EXT1: variants seen among roughly 807,000 people sequenced by gnomAD.
EXT1 encodes the protein exostosin-1.
In EXT1, 20 loss-of-function variants were observed where a neutral mutation model predicts 82.5. The ratio of observed to expected loss-of-function variants is 0.24; its 90% CI spans 0.17 to 0.35. The LOEUF (loss-of-function observed/expected upper bound fraction) is 0.35. Ranked by LOEUF, EXT1 falls within the 10% of genes least tolerant of loss-of-function variation. The pLI, the probability that EXT1 is intolerant of heterozygous loss-of-function variation, is 1.00. For missense variants in EXT1, 757 were observed against 936.5 expected (o/e 0.81, Z 2.50); for synonymous variants, 348 against 350.8 (o/e 0.99, Z 0.09).
At chr8:118,010,277 C>T (rs545909894) in intron 1 of EXT1, among the ~76,000 whole-genome samples, 3 of 147,110 alleles carry the variant, frequency 2.0e-5, no homozygotes, top group East Asian at 4.0e-4. Flanking sequence ...GAGGCTGAGG[C>T]AGGAGAATGG....
intron 1 of EXT1, among the ~76,000 whole-genome samples, chr8:117,852,354 G>A (rs947290111): frequency 7.9e-5 from 12 of 152,204 alleles, no homozygotes; most frequent in African/African-American, 2.9e-4. Context: ...AGATGTGCCT[G>A]ACATGGGGAG....
intron 1 of EXT1, among the ~76,000 whole-genome samples, chr8:118,054,360 T>C (rs1227924766): frequency 1.3e-5 from 2 of 152,158 alleles, no homozygotes; most frequent in Non-Finnish European, 2.9e-5. Flanking sequence ...AGTCAAACCA[T>C]TCCACTTCAT....
rs535607475 is a variant in EXT1 at position 118,057,398 on chromosome 8, G to A, written c.962+52687C>T. Reference sequence around the variant, plus strand: ...CTACTAAAAATACAAAAAATTAGCCGGGTGTGATGGCTGATGCCATAATCC... The same window carrying A: ...CTACTAAAAATACAAAAAATTAGCCAGGTGTGATGGCTGATGCCATAATCC... On this transcript the variant is annotated intron_variant, in intron 1 of 10. Coordinates refer to ENST00000378204, the MANE Select transcript of EXT1 (RefSeq NM_000127.3). Among the ~76,000 whole-genome samples the A allele has an allele frequency of 4.2e-4, 64 of 151,976 alleles. 1 individual carries two copies. Among genetic ancestry groups the A allele is most frequent in the Non-Finnish European group, 6.3e-4 (43 of 67,952 alleles).
At chr8:117,866,147 C>T (rs1169708868) in intron 1 of EXT1, among the ~76,000 whole-genome samples, 4 of 152,154 alleles carry the variant, frequency 2.6e-5, no homozygotes, top group African/African-American at 9.7e-5. Flanking sequence ...ATCGCTTGAA[C>T]CCGGGAGGCA....
intron 8 of EXT1, among the ~76,000 whole-genome samples, chr8:117,810,856 TAGAG>T (rs754982851): frequency 3.9e-5 from 6 of 152,160 alleles, no homozygotes; most frequent in Non-Finnish European, 8.8e-5. Context: ...CGAGGCAGGA[TAGAG>T]AGAGAGGTCA....
At chr8:117,830,635 C>A (rs1299833713) in intron 3 of EXT1, among the ~76,000 whole-genome samples, 4 of 152,204 alleles carry the variant, frequency 2.6e-5, no homozygotes, top group Non-Finnish European at 5.9e-5. Context: ...TCTATAGTCA[C>A]AATTGCTGTT....
At chr8:118,094,164 C>T (rs144000281) in intron 1 of EXT1, among the ~76,000 whole-genome samples, 25 of 152,340 alleles carry the variant, frequency 1.6e-4, no homozygotes, top group Non-Finnish European at 2.9e-4. Flanking sequence ...AACAAGACCT[C>T]TGTGACTGCT....
chr8:118,082,649 T>C (rs921614292), intron 1 of EXT1, among the ~76,000 whole-genome samples: 1 of 152,122 alleles, frequency 6.6e-6, no homozygotes, highest in African/African-American at 2.4e-5. Flanking sequence ...AAATGTGGGG[T>C]ATCAATTTCT....
chr8:117,952,639 G>A (rs955735969), intron 1 of EXT1, among the ~76,000 whole-genome samples: 1 of 152,122 alleles, frequency 6.6e-6, no homozygotes, highest in Non-Finnish European at 1.5e-5. Context: ...GTTCATGCCT[G>A]TAATCCCAGT....
In EXT1 at chr8:117,905,505, G is replaced by T. The variant is rs536805914; in HGVS notation, c.963-68304C>A. Among the ~76,000 whole-genome samples, 207 of 152,186 alleles carry T rather than the reference G, an allele frequency of 1.4e-3. 1 individual carries two copies. The highest frequency in any genetic ancestry group is 4.8e-3 in the African/African-American group (199 of 41,548). ...CTGCACTCCAGCCTGGTGACAGAGC[G>T]AGACTGTCTCAAAAAAACCAAAACA... On this transcript the variant is annotated intron_variant, in intron 1 of 10. Transcript: ENST00000378204.
intron 1 of EXT1, among the ~76,000 whole-genome samples, chr8:117,869,279 A>G (rs1272378056): frequency 1.3e-5 from 2 of 152,238 alleles, no homozygotes; most frequent in African/African-American, 2.4e-5. Flanking sequence ...AGAAGTTCCA[A>G]TAGGTGGTGA....
intron 1 of EXT1, among the ~76,000 whole-genome samples, chr8:118,003,972 G>C (rs1158386161): frequency 6.6e-6 from 1 of 152,090 alleles, no homozygotes; most frequent in East Asian, 1.9e-4. Context: ...ATGAAATTGT[G>C]AATCAAAACT....
chr8:118,090,695 C>G (rs1817506712), intron 1 of EXT1, among the ~76,000 whole-genome samples: 1 of 136,152 alleles, frequency 7.3e-6, no homozygotes, highest in Middle Eastern at 4.2e-3. Flanking sequence ...AGGAGAATTG[C>G]TTGAGCCTGG....
At chr8:117,963,570 A>G (rs1012658766) in intron 1 of EXT1, among the ~76,000 whole-genome samples, 2 of 152,092 alleles carry the variant, frequency 1.3e-5, no homozygotes, top group African/African-American at 4.8e-5. Flanking sequence ...AACTCACTGC[A>G]ACCTCCACCT....
chr8:117,828,484 G>A (rs1175754162), intron 4 of EXT1, among the ~76,000 whole-genome samples: 1 of 151,866 alleles, frequency 6.6e-6, no homozygotes, highest in Non-Finnish European at 1.5e-5. Context: ...ATTCCAGCCT[G>A]GTGACAGAGT....
chr8:117,967,148 T>G (rs1037437245), intron 1 of EXT1, among the ~76,000 whole-genome samples: 6 of 152,220 alleles, frequency 3.9e-5, no homozygotes, highest in Non-Finnish European at 8.8e-5. Flanking sequence ...CAAATAATCC[T>G]TTGAAGAATC....
In EXT1 at chr8:117,944,155, A is replaced by C. The variant is rs10095415; in HGVS notation, c.963-106954T>G. Among the ~76,000 whole-genome samples the C allele has an allele frequency of 8.3e-3, 1,269 of 152,296 alleles. 23 individuals carry two copies. Among genetic ancestry groups the C allele is most frequent in the African/African-American group, 0.028 (1,170 of 41,560 alleles). Reference sequence around the variant, plus strand: ...GGTAGCTCATGCCTGTAATCCCAGCACTTTGGGAGGCCCAGACAGGCAGAT... The same window carrying C: ...GGTAGCTCATGCCTGTAATCCCAGCCCTTTGGGAGGCCCAGACAGGCAGAT... On this transcript the variant is annotated intron_variant, in intron 1 of 10. Transcript: ENST00000378204.
intron 1 of EXT1, among the ~76,000 whole-genome samples, chr8:117,929,820 A>G (rs1420968615): frequency 4.6e-5 from 7 of 152,214 alleles, no homozygotes; most frequent in Admixed American, 4.6e-4. Context: ...AGAAAAGTGT[A>G]AGAGCAGCCA....
chr8:117,991,138 G>A (rs533559201), intron 1 of EXT1, among the ~76,000 whole-genome samples: 15 of 149,210 alleles, frequency 1.0e-4, no homozygotes, highest in African/African-American at 3.5e-4. Context: ...ATGGACCCTC[G>A]CTCTGTCACC....
Sources: gnomAD v4.1 joint callset for allele counts (sites outside exome capture counted in the v4.1 genomes callset) on GRCh38, gnomAD v4.1.1 for gene constraint, MANE v1.5 for transcripts, NCBI Gene and HGNC (gene_info 2026-07-23, HGNC 2026-07-21) for gene names.